The following ZSCAN5A variants were observed in gnomAD, a reference collection of about 807,000 sequenced individuals.
ZSCAN5A encodes the protein zinc finger and SCAN domain-containing protein 5A.
In ZSCAN5A, 12 loss-of-function variants were observed where a neutral mutation model predicts 23.7. The ratio of observed to expected loss-of-function variants is 0.51; its 90% confidence interval spans 0.32 to 0.82. The LOEUF (loss-of-function observed/expected upper bound fraction) is 0.82. Ranked by LOEUF, ZSCAN5A falls within the 40% of genes least tolerant of loss-of-function variation. ZSCAN5A has a pLI of 0.03. For synonymous variants in ZSCAN5A, 257 were observed against 239.9 expected, an observed-to-expected ratio of 1.07 and a Z score of -0.66; for missense variants, 597 against 617.9, an observed-to-expected ratio of 0.97 and a Z score of 0.36.
rs148730415 is a variant in ZSCAN5A, at chr19:56,252,367, A to G, written c.-127-27194T>C. On this transcript the variant is annotated intron_variant, in intron 2 of 5. Transcript: ENST00000683990. ...AAAAGGATTACACCACCCAAAATTG[A>G]GTTTGAATGTTAAGACTGAGGACAC... Among the ~76,000 whole-genome samples, 590 of 152,314 alleles carry G rather than the reference A, an allele frequency of 3.9e-3. 6 individuals are homozygous for G. Among genetic ancestry groups the G allele is most frequent in the African/African-American group, 0.012 (514 of 41,564 alleles).
In ZSCAN5A at chr19:56,302,781, C is replaced by T. The variant is rs1319564058; in HGVS notation, c.-128+10502G>A. Reference sequence around the variant, plus strand: ...TGCACTAACACAGCCCCAGGGGCTCCTTTGAAATACTGTCACTCATTCTGC... The same window carrying T: ...TGCACTAACACAGCCCCAGGGGCTCTTTTGAAATACTGTCACTCATTCTGC... On this transcript the variant is annotated intron_variant, in intron 2 of 5. Coordinates refer to ENST00000683990, the MANE Select transcript of ZSCAN5A (RefSeq NM_001322064.3). 15 of 398,018 alleles carry T rather than the reference C, an allele frequency of 3.8e-5. No individual in the cohort carries two copies. In the South Asian group the frequency reaches 3.8e-4, roughly 10 times the overall value. The allele number at this position is 398,018 out of a possible 1,614,324, so 24.7% of individuals were successfully genotyped here.
At chr19:56,320,933 G>C in intron 2 of ZSCAN5A, 2 of 753,080 alleles carry the variant, frequency 2.7e-6, no homozygotes, top group South Asian at 2.7e-5. Context: ...TGTTCTACTT[G>C]GTCCTGCTTT....
chr19:56,266,034 T>C (rs1440774456), intron 2 of ZSCAN5A, among the ~76,000 whole-genome samples: 1 of 152,224 alleles, frequency 6.6e-6, no homozygotes, highest in African/African-American at 2.4e-5. Context: ...ATGTCAATCA[T>C]ACCTGTATAG....
intron 2 of ZSCAN5A, chr19:56,302,076 C>G (rs2040272662): frequency 8.1e-7 from 1 of 1,231,770 alleles, no homozygotes; most frequent in African/African-American, 1.6e-5. Flanking sequence ...CTCTTCGTAT[C>G]CTACAACAAA....
intron 2 of ZSCAN5A, among the ~76,000 whole-genome samples, chr19:56,290,803 A>C (rs560795807): frequency 3.0e-4 from 45 of 152,308 alleles, no homozygotes; most frequent in African/African-American, 1.0e-3. Flanking sequence ...TCTTCTCCAC[A>C]CTGACTCCCC....
rs926806437 is a variant in ZSCAN5A, at chr19:56,221,782, C to T, written c.1284G>A (p.Lys428=). The T allele has an allele frequency of 6.2e-7, 1 of 1,614,108 alleles. No individual in the cohort carries two copies. The highest frequency in any genetic ancestry group is 8.5e-7 in the Non-Finnish European group (1 of 1,179,982). The change falls in exon 6 of 6, where the codon AAG becomes AAA. Residue 428 remains lysine (K), a synonymous_variant. Coordinates refer to ENST00000683990, the MANE Select transcript of ZSCAN5A (RefSeq NM_001322064.3). ...CCCCTGTGTGGCTTCTCTTGTGACA[C>T]TTCAAGTAGGACTTCTGGGTGAACT... The part of the protein sequence containing the change: ...QKQFTQKSYL[K]CHKRSHTGEK...
intron 2 of ZSCAN5A, among the ~76,000 whole-genome samples, chr19:56,247,698 A>ATTTGT: frequency 6.6e-6 from 1 of 150,874 alleles, no homozygotes; most frequent in East Asian, 1.9e-4. Context: ...TCTTTCTTTT[A>ATTTGT]TTATTTTTTT....
chr19:56,252,939 A>C (rs932079950), intron 2 of ZSCAN5A, among the ~76,000 whole-genome samples: 4 of 152,228 alleles, frequency 2.6e-5, no homozygotes, highest in African/African-American at 4.8e-5. Flanking sequence ...AGCAAGAAGA[A>C]AGACAAGATG....
intron 1 of ZSCAN5A, among the ~76,000 whole-genome samples, chr19:56,364,193 T>A (rs2041750788): frequency 6.6e-6 from 1 of 152,068 alleles, no homozygotes; most frequent in African/African-American, 2.4e-5. Context: ...AAAGAATAGA[T>A]TGAGGAGACA....
chr19:56,344,420 C>T (rs2041615878), intron 2 of ZSCAN5A, among the ~76,000 whole-genome samples: 1 of 152,204 alleles, frequency 6.6e-6, no homozygotes, highest in African/African-American at 2.4e-5. Flanking sequence ...ACCCCTATGT[C>T]AAGTTTTGAC....
chr19:56,301,526 T>TTTA (rs2147257209), intron 2 of ZSCAN5A, among the ~76,000 whole-genome samples: 1 of 152,292 alleles, frequency 6.6e-6, no homozygotes, highest in African/African-American at 2.4e-5. Flanking sequence ...CGCAACCTGT[T>TTTA]TTATCAGCAG....
In ZSCAN5A at chr19:56,224,996, T is replaced by G. The variant is rs746372429; in HGVS notation, c.51A>C (p.Arg17Ser). 10 of 1,613,854 alleles carry G rather than the reference T, an allele frequency of 6.2e-6. No homozygotes were observed. In the Admixed American group the frequency reaches 1.0e-4, roughly 16 times the overall value. The change falls in exon 3 of 6, where the codon AGA becomes AGC. Residue 17 changes from arginine to serine, a missense_variant. By Grantham distance (110) the Arg-to-Ser change is moderately radical (BLOSUM62 -1). Transcript: ENST00000683990. ...SSWSLGESCN[R>S]PGLELPRSMA... The stretch of plus-strand genomic sequence containing the variant: ...TAGACCGTGGCAGCTCCAACCCAGG[T>G]CTGTTGCAGGATTCTCCTAGACTCC...
Position 56,240,256 on chromosome 19 carries a change from T to A in ZSCAN5A, c.-127-15083A>T, listed in dbSNP as rs550019940. The stretch of plus-strand genomic sequence containing the variant: ...CTGAGGCCTCCAAATACTTCAGCAA[T>A]ATGACAAATAATTCAGTAGAGTGGG... On this transcript the variant is annotated intron_variant, in intron 2 of 5. Coordinates refer to ENST00000683990, the MANE Select transcript of ZSCAN5A (RefSeq NM_001322064.3). Among the ~76,000 whole-genome samples, 30 of 151,252 alleles carry A rather than the reference T, an allele frequency of 2.0e-4. 1 individual carries two copies. In the East Asian group the frequency reaches 6.3e-3, roughly 32 times the overall value.
intron 2 of ZSCAN5A, chr19:56,284,207 G>A (rs773946102): frequency 1.0e-6 from 1 of 981,068 alleles, no homozygotes; most frequent in Non-Finnish European, 1.2e-6. Context: ...GGGATCATAG[G>A]TAAGTACCTT....
chr19:56,366,845 C>A lies in ZSCAN5A; in HGVS notation c.-522+1364G>T, dbSNP rs1600306686. 3.9e-5 allele frequency among the ~76,000 whole-genome samples: 6 copies of A among 152,142 alleles called. No individual in the cohort carries two copies. The South Asian group carries it at 1.2e-3, about 32-fold the overall frequency. ...CATAGAACACTTCCCCTCTCACAAC[C>A]AAATCTTATCACCATGTTACTAAAG... On this transcript the variant is annotated intron_variant, in intron 1 of 6. Transcript: ENST00000587340.
rs2041715424 is a variant in ZSCAN5A, at chr19:56,359,000, T to G, written c.-358+4235A>C. Reference sequence around the variant, plus strand: ...AAGATCTCAAATGGACACCCTAACATCACAACTAAAAGTACCAGAGAACCA... The same window carrying G: ...AAGATCTCAAATGGACACCCTAACAGCACAACTAAAAGTACCAGAGAACCA... On this transcript the variant is annotated intron_variant, in intron 2 of 6. Coordinates refer to the ZSCAN5A transcript ENST00000587340. Among the ~76,000 whole-genome samples, 3 of 151,844 alleles carry G rather than the reference T, an allele frequency of 2.0e-5. No individual in the cohort carries two copies. In the South Asian group the frequency reaches 6.3e-4, roughly 32 times the overall value.
At chr19:56,328,782 A>T (rs1255748938) in intron 2 of ZSCAN5A, among the ~76,000 whole-genome samples, 1 of 151,414 alleles carries the variant, frequency 6.6e-6, no homozygotes, top group Non-Finnish European at 1.5e-5. Context: ...CAGGTGGATC[A>T]TGAGGTCAGG....
chr19:56,287,688 G>A (rs1296181116), intron 2 of ZSCAN5A, among the ~76,000 whole-genome samples: 1 of 152,210 alleles, frequency 6.6e-6, no homozygotes, highest in African/African-American at 2.4e-5. Flanking sequence ...TGTGGAGGAA[G>A]TCACAGACTC....
chr19:56,240,827 T>G (rs1359865799), intron 2 of ZSCAN5A, among the ~76,000 whole-genome samples: 1 of 151,964 alleles, frequency 6.6e-6, no homozygotes, highest in East Asian at 1.9e-4. Context: ...AGACTTCACT[T>G]CACCATCAGC....
Sources: gnomAD v4.1 joint callset for allele counts (sites outside exome capture counted in the v4.1 genomes callset) on GRCh38, gnomAD v4.1.1 for gene constraint, MANE v1.5 for transcripts, NCBI Gene and HGNC (gene_info 2026-07-23, HGNC 2026-07-21) for gene names.